SH3GL1: variants seen among roughly 807,000 people sequenced by gnomAD.
SH3GL1 encodes the protein SH3 domain containing GRB2 like 1, endophilin A2.
Under a neutral mutation model 48.8 loss-of-function variants are expected in SH3GL1, and 21 were observed. The observed-to-expected ratio is 0.43, with a 90% CI of 0.30 to 0.62. The LOEUF (loss-of-function observed/expected upper bound fraction) is 0.62, where lower values mean the gene tolerates loss of function less well. Ranked by LOEUF, SH3GL1 falls within the 20% of genes least tolerant of loss-of-function variation. The pLI is 0.11. For missense variants in SH3GL1, 454 were observed against 503.0 expected (o/e 0.90, Z 0.93); for synonymous variants, 282 against 217.5 (o/e 1.30, Z -2.61).
chr19:4,364,747 G>GTT lies in SH3GL1; in HGVS notation c.332-528_332-527dup, dbSNP rs566459873. 56 of 158,782 alleles carry GTT rather than the reference G, an allele frequency of 3.5e-4. No individual in the cohort carries two copies. In the South Asian group the frequency reaches 9.9e-3, roughly 28 times the overall value. The allele number at this position is 158,782 out of a possible 1,614,324, so 9.8% of individuals were successfully genotyped here. A position where few individuals can be genotyped will look rare whatever the true frequency, so the allele number is the denominator to read the frequency against. ...CCCGGTTTTTGTTTTGTTTTGTTTT[G>GTT]TTTTGTTTTTTCATAGTCTCGGCTC... On this transcript the variant is annotated intron_variant, in intron 4 of 9. Coordinates refer to ENST00000269886, the MANE Select transcript of SH3GL1 (RefSeq NM_003025.4).
At chr19:4,377,477 G>T (rs943821463) in intron 1 of SH3GL1, among the ~76,000 whole-genome samples, 1 of 152,216 alleles carries the variant, frequency 6.6e-6, no homozygotes, top group African/African-American at 2.4e-5. Flanking sequence ...TGCCCATGGT[G>T]GCCCACAGTC....
chr19:4,362,778 G>A (rs1018599081), intron 7 of SH3GL1, 42 bp from the exon 8 acceptor site: 2 of 1,611,876 alleles, frequency 1.2e-6, no homozygotes, highest in Non-Finnish European at 1.7e-6. Context: ...CCGTGTCACG[G>A]CCGAGGCAGC....
intron 1 of SH3GL1, among the ~76,000 whole-genome samples, chr19:4,391,926 G>A (rs902097923): frequency 3.3e-5 from 5 of 152,220 alleles, no homozygotes; most frequent in African/African-American, 4.8e-5. Context: ...CATGCCGCAC[G>A]TTCCTGGATT....
At chr19:4,374,802 C>T (rs188030458) in intron 1 of SH3GL1, among the ~76,000 whole-genome samples, 154 of 152,310 alleles carry the variant, frequency 1.0e-3, no homozygotes, top group African/African-American at 3.5e-3. Flanking sequence ...ATGCCGAGGA[C>T]GCACCCTGCC....
chr19:4,370,861 G>A (rs1044956191), intron 1 of SH3GL1, among the ~76,000 whole-genome samples: 1 of 152,264 alleles, frequency 6.6e-6, no homozygotes, highest in Non-Finnish European at 1.5e-5. Flanking sequence ...CCTCTGGGAA[G>A]GATCCCACTG....
rs148988910 is a variant in SH3GL1 at position 4,360,678 on chromosome 19, A to T, written c.*922T>A. On this transcript the variant is annotated 3_prime_UTR_variant, in exon 10 of 10. Transcript: ENST00000269886. ...GGAGATGGCTGGGGCCACTTCCCAC[A>T]GGGTGAAGTGGCAGCGGCTCAGCAA... The T allele has an allele frequency of 3.8e-4, 89 of 233,102 alleles. 1 individual carries two copies. Among genetic ancestry groups the T allele is most frequent in the African/African-American group, 1.8e-3 (84 of 45,434 alleles). The allele number at this position is 233,102 out of a possible 1,614,324, so 14.4% of individuals were successfully genotyped here. A position where few individuals can be genotyped will look rare whatever the true frequency, so the allele number is the denominator to read the frequency against.
chr19:4,365,486 G>A lies in SH3GL1; in HGVS notation c.327C>T (p.Asn109=), dbSNP rs773086879. ...CTTCCAGAGAGCACCACTCACCAAA[G>A]TTGGACTCGCCGCCCAGCTCCTTCC... The part of the protein sequence containing the change: ...RHGKELGGES[N]FGDALLDAGE... The change falls in exon 4 of 10, where the codon AAC becomes AAT. Residue 109 remains asparagine, a synonymous_variant. Coordinates refer to ENST00000269886, the MANE Select transcript of SH3GL1 (RefSeq NM_003025.4). The A allele has an allele frequency of 2.1e-5, 34 of 1,613,574 alleles. No homozygotes were observed. Among genetic ancestry groups the A allele is most frequent in the Non-Finnish European group, 2.8e-5 (33 of 1,180,028 alleles).
intron 1 of SH3GL1, among the ~76,000 whole-genome samples, chr19:4,388,448 G>T (rs571516909): frequency 7.9e-5 from 12 of 152,260 alleles, no homozygotes; most frequent in South Asian, 2.1e-4. Context: ...GAGACAGCAG[G>T]CTCAGAGACA....
chr19:4,361,098 G>A lies in SH3GL1; in HGVS notation c.*502C>T, dbSNP rs1599584969. ...GCATTGGCCCTGGAGTAGGGCCAGG[G>A]CCCATCACCAGCACCAGGCTGGGAG... is the stretch of plus-strand genomic sequence containing the variant. On this transcript the variant is annotated 3_prime_UTR_variant, in exon 10 of 10. Transcript: ENST00000269886. The A allele has an allele frequency of 8.1e-6, 2 of 247,146 alleles. No homozygotes were observed. Among genetic ancestry groups the A allele is most frequent in the South Asian group, 1.4e-4 (1 of 7,268 alleles). The allele number at this position is 247,146 out of a possible 1,614,324, so 15.3% of individuals were successfully genotyped here.
chr19:4,394,121 T>G (rs1973385571), intron 1 of SH3GL1, among the ~76,000 whole-genome samples: 1 of 105,272 alleles, frequency 9.5e-6, no homozygotes, highest in Non-Finnish European at 1.9e-5. Flanking sequence ...CTCCCTCCTT[T>G]CAGGCAAAAA....
At chr19:4,388,906 A>T (rs1013253974) in intron 1 of SH3GL1, among the ~76,000 whole-genome samples, 10 of 152,170 alleles carry the variant, frequency 6.6e-5, no homozygotes, top group South Asian at 6.2e-4. Context: ...ACCCTAAACC[A>T]CAGGAGACAC....
intron 1 of SH3GL1, among the ~76,000 whole-genome samples, chr19:4,392,574 G>C (rs1973358235): frequency 7.0e-6 from 1 of 142,926 alleles, no homozygotes; most frequent in Non-Finnish European, 1.5e-5. Context: ...ACACACAAAA[G>C]ATCATTCCAT....
At chr19:4,393,158 G>T (rs1029795089) in intron 1 of SH3GL1, among the ~76,000 whole-genome samples, 3 of 152,144 alleles carry the variant, frequency 2.0e-5, no homozygotes, top group African/African-American at 7.2e-5. Flanking sequence ...CTACTTGGGA[G>T]GCTGAGGCAG....
intron 1 of SH3GL1, among the ~76,000 whole-genome samples, chr19:4,374,596 G>A (rs576685902): frequency 3.9e-5 from 6 of 152,216 alleles, no homozygotes; most frequent in Non-Finnish European, 5.9e-5. Flanking sequence ...GGCAATCGGC[G>A]TTTCTCCCGG....
chr19:4,361,530 G>A lies in SH3GL1; in HGVS notation c.*70C>T. ...ACCGCCCTGGCAGCAGGGGCTCCGT[G>A]GAATGCAGGAGACCCAGCAGGGGGT... On this transcript the variant is annotated 3_prime_UTR_variant, in exon 10 of 10. Coordinates refer to ENST00000269886, the MANE Select transcript of SH3GL1 (RefSeq NM_003025.4). 1 of 1,231,538 alleles carries A rather than the reference G, an allele frequency of 8.1e-7. No individual in the cohort carries two copies. The allele number at this position is 1,231,538 out of a possible 1,614,324, so 76.3% of individuals were successfully genotyped here. A position where few individuals can be genotyped will look rare whatever the true frequency, so the allele number is the denominator to read the frequency against.
chr19:4,362,752 CG>C lies in SH3GL1; in HGVS notation c.729-17del. 1 of 1,613,544 alleles carries C rather than the reference CG, an allele frequency of 6.2e-7. No homozygotes were observed. Among genetic ancestry groups the C allele is most frequent in the Non-Finnish European group, 8.5e-7 (1 of 1,179,988 alleles). On this transcript the variant is annotated splice_polypyrimidine_tract_variant and intron_variant, in intron 7 of 9. Transcript: ENST00000269886. The stretch of plus-strand genomic sequence containing the variant: ...TTCCCGCATCCTGTGAAGGGAGAGG[CG>C]TGAGTGGACCGAGCCCGTGTCACGG...
In SH3GL1 at chr19:4,389,537, C is replaced by T. The variant is rs1334699362; in HGVS notation, c.45+10787G>A. On this transcript the variant is annotated intron_variant, in intron 1 of 9. Coordinates refer to ENST00000269886, the MANE Select transcript of SH3GL1 (RefSeq NM_003025.4). The surrounding 1 kb of genome is among the most constrained non-coding windows in gnomAD (Gnocchi z 4.5). ...ATGCAGGGGAAGAGTAGCATTTAAA[C>T]CTGGGACCAAGGCAGGGGCTCCAGA... 6.6e-6 allele frequency among the ~76,000 whole-genome samples: 1 copy of T among 152,128 alleles called. No individual in the cohort carries two copies. Among genetic ancestry groups the T allele is most frequent in the Non-Finnish European group, 1.5e-5 (1 of 68,016 alleles).
intron 4 of SH3GL1, chr19:4,364,604 T>C: frequency 3.8e-6 from 1 of 266,306 alleles, no homozygotes; most frequent in Non-Finnish European, 7.4e-6. Context: ...CTAATTTTTG[T>C]ATTTTTAATA....
At chr19:4,387,561 G>A (rs1410178527) in intron 1 of SH3GL1, among the ~76,000 whole-genome samples, 1 of 152,206 alleles carries the variant, frequency 6.6e-6, no homozygotes, top group African/African-American at 2.4e-5. Flanking sequence ...TAAGTGCTGG[G>A]ATTACAGGCA....
Sources: allele counts gnomAD v4.1 joint callset (sites outside exome capture counted in the v4.1 genomes callset), GRCh38; gene constraint gnomAD v4.1.1; non-coding constraint Gnocchi (gnomAD v3.1); transcripts MANE v1.5; gene names NCBI Gene and HGNC (gene_info 2026-07-23, HGNC 2026-07-21).